The following DACH1 variants were observed in gnomAD, a reference collection of about 807,000 sequenced individuals.
DACH1 encodes dachshund family transcription factor 1, also known as dachshund homolog 1.
DACH1 carries 12 observed loss-of-function variants against 54.2 expected under a neutral mutation model. The observed-to-expected ratio is 0.22, with a 90% CI of 0.14 to 0.36. The LOEUF (loss-of-function observed/expected upper bound fraction) is 0.36. Among genes scored for constraint, DACH1 ranks in the 10% least tolerant of loss-of-function variants. The pLI, the probability that DACH1 is intolerant of heterozygous loss-of-function variation, is 1.00. For missense variants in DACH1, 805 were observed against 929.8 expected, an observed-to-expected ratio of 0.87 and a Z score of 1.75; for synonymous variants, 386 against 366.2, an observed-to-expected ratio of 1.05 and a Z score of -0.62.
intron 6 of DACH1, among the ~76,000 whole-genome samples, chr13:71,507,539 A>G (rs1012407135): frequency 2.6e-5 from 4 of 152,212 alleles, no homozygotes; most frequent in South Asian, 2.1e-4. Context: ...CAGCTGGAAA[A>G]TTAGACAAAT....
At chr13:71,524,118 C>T (rs1881792614) in intron 6 of DACH1, among the ~76,000 whole-genome samples, 1 of 152,094 alleles carries the variant, frequency 6.6e-6, no homozygotes, top group Non-Finnish European at 1.5e-5. Flanking sequence ...GTGCCATTTC[C>T]TGGCGATTCT....
chr13:71,850,138 A>T (rs1873563067), intron 1 of DACH1, among the ~76,000 whole-genome samples: 1 of 152,236 alleles, frequency 6.6e-6, no homozygotes, highest in South Asian at 2.1e-4. Flanking sequence ...ATAGGTATAC[A>T]TCAGTACATT....
intron 1 of DACH1, among the ~76,000 whole-genome samples, chr13:71,799,730 A>G (rs1448726205): frequency 2.0e-5 from 3 of 152,154 alleles, no homozygotes; most frequent in South Asian, 2.1e-4. Context: ...ATTTGAAGCT[A>G]TGAATCTACA....
At chr13:71,481,332 A>T (rs1042104145) in intron 7 of DACH1, among the ~76,000 whole-genome samples, 3 of 152,230 alleles carry the variant, frequency 2.0e-5, no homozygotes, top group Non-Finnish European at 4.4e-5. Context: ...GGCTGACAAA[A>T]CACAATATTT....
intron 1 of DACH1, among the ~76,000 whole-genome samples, chr13:71,788,741 G>T (rs1487099257): frequency 6.6e-6 from 1 of 151,718 alleles, no homozygotes; most frequent in Non-Finnish European, 1.5e-5. Context: ...ATGTACCCAA[G>T]TTGAACTTCA....
intron 1 of DACH1, among the ~76,000 whole-genome samples, chr13:71,804,998 G>C (rs908115951): frequency 1.3e-5 from 2 of 152,040 alleles, no homozygotes; most frequent in African/African-American, 4.8e-5. Flanking sequence ...GTAGCCAATA[G>C]CTACATGTGT....
chr13:71,690,290 G>T (rs1881409881), intron 1 of DACH1, among the ~76,000 whole-genome samples: 1 of 152,142 alleles, frequency 6.6e-6, no homozygotes, highest in African/African-American at 2.4e-5. Context: ...CATACATTAT[G>T]CATCTACATA....
intron 1 of DACH1, among the ~76,000 whole-genome samples, chr13:71,690,247 A>C (rs1485301765): frequency 2.0e-5 from 3 of 152,324 alleles, no homozygotes; most frequent in African/African-American, 4.8e-5. Context: ...AGAGATATAC[A>C]ATTTAATACT....
At position 71,866,505 on chromosome 13, in the gene DACH1, T is replaced by C. The variant is rs1385059303; in HGVS notation, c.265A>G (p.Ser89Gly). ...GGGSGGGGGS[S>G]GNGGGGGGGG... ...CCGCCACCGCCGCCTCCGTTGCCGC[T>C]GCTGCCGCCGCCGCCTCCGCTGCCG... The change falls in exon 1 of 11, where the codon AGC becomes GGC. Residue 89 changes from serine to glycine, a missense_variant. Ser to Gly is a moderately conservative substitution (Grantham distance 56). Transcript: ENST00000613252. The C allele has an allele frequency of 1.3e-5, 16 of 1,217,140 alleles. No individual in the cohort carries two copies. Among genetic ancestry groups the C allele is most frequent in the Middle Eastern group, 3.1e-4 (1 of 3,184 alleles). 75.4% of individuals were successfully genotyped at this position (1,217,140 alleles called of 1,614,324 possible).
At chr13:71,474,017 C>T (rs1264378711) in intron 10 of DACH1, among the ~76,000 whole-genome samples, 2 of 152,108 alleles carry the variant, frequency 1.3e-5, no homozygotes, top group Non-Finnish European at 2.9e-5. Flanking sequence ...ATCCATAGTA[C>T]TCTAAAAATT....
At chr13:71,488,477 CT>C (rs1180938183) in intron 7 of DACH1, among the ~76,000 whole-genome samples, 2 of 152,030 alleles carry the variant, frequency 1.3e-5, no homozygotes, top group Non-Finnish European at 2.9e-5. Flanking sequence ...TTTGGTAAGG[CT>C]TTTTGAAGTC....
intron 2 of DACH1, among the ~76,000 whole-genome samples, chr13:71,676,728 T>A (rs1042333476): frequency 6.6e-6 from 1 of 152,214 alleles, no homozygotes; most frequent in Admixed American, 6.5e-5. Context: ...GATAAGAATG[T>A]TTCAATGGGA....
At position 71,865,963 on chromosome 13, in the gene DACH1, C is replaced by G; in HGVS notation, c.807G>C (p.Arg269Ser). ...CATTGTAGAGGGTCTCGAAGTCCTT[C>G]CTGGAGATGAGTTTGCAGCGGTTCA... ...PGVNRCKLISRKDFETLYNDC... is the reference protein window; with the variant it reads ...PGVNRCKLISSKDFETLYNDC... The change falls in exon 1 of 11, where the codon AGG becomes AGC. Residue 269 changes from arginine to serine, a missense_variant. Coordinates refer to ENST00000613252, the MANE Select transcript of DACH1 (RefSeq NM_080759.6). 6.2e-7 allele frequency: 1 copy of G among 1,613,882 alleles called. No individual in the cohort carries two copies. The highest frequency in any genetic ancestry group is 1.1e-5 in the South Asian group (1 of 91,062).
chr13:71,824,418 T>A (rs1296594081), intron 1 of DACH1, among the ~76,000 whole-genome samples: 1 of 151,922 alleles, frequency 6.6e-6, no homozygotes, highest in Non-Finnish European at 1.5e-5. Context: ...AAATGCCCCA[T>A]TAATTGCTGA....
chr13:71,640,126 C>T (rs114209390), intron 2 of DACH1, among the ~76,000 whole-genome samples: 49 of 152,044 alleles, frequency 3.2e-4, no homozygotes, highest in African/African-American at 9.2e-4. Flanking sequence ...ACTGACCACA[C>T]GGATTCTATG....
At chr13:71,545,402 T>C (rs186591024) in intron 6 of DACH1, among the ~76,000 whole-genome samples, 3 of 152,214 alleles carry the variant, frequency 2.0e-5, no homozygotes, top group East Asian at 3.9e-4. Context: ...GGTCAATATA[T>C]AGCAAATTGA....
chr13:71,709,730 G>A lies in DACH1; in HGVS notation c.849-27820C>T, dbSNP rs940507286. Among the ~76,000 whole-genome samples, 3 of 152,248 alleles carry A rather than the reference G, an allele frequency of 2.0e-5. No individual in the cohort carries two copies. The East Asian group carries it at 5.8e-4, about 29-fold the overall frequency. ...TATAAGTATGCACATATAGAAAAAAGCATAGTATATAGAGAGTTGGGTACT... is the reference window on the plus strand; with the variant it reads ...TATAAGTATGCACATATAGAAAAAAACATAGTATATAGAGAGTTGGGTACT... On this transcript the variant is annotated intron_variant, in intron 1 of 10. Coordinates refer to ENST00000613252, the MANE Select transcript of DACH1 (RefSeq NM_080759.6).
intron 10 of DACH1, among the ~76,000 whole-genome samples, chr13:71,444,669 A>G (rs895891242): frequency 6.6e-6 from 1 of 152,210 alleles, no homozygotes; most frequent in Non-Finnish European, 1.5e-5. Flanking sequence ...AGAATCCAGG[A>G]GCAAAAAAAT....
intron 1 of DACH1, among the ~76,000 whole-genome samples, chr13:71,815,051 G>A (rs753273460): frequency 2.0e-5 from 3 of 152,188 alleles, no homozygotes; most frequent in Non-Finnish European, 4.4e-5. Flanking sequence ...CAACCGTCAA[G>A]CTTGCTTTGC....
Sources: gnomAD v4.1 joint callset for allele counts (sites outside exome capture counted in the v4.1 genomes callset) on GRCh38, gnomAD v4.1.1 for gene constraint, MANE v1.5 for transcripts, NCBI Gene and HGNC (gene_info 2026-07-23, HGNC 2026-07-21) for gene names.